Variants in BAZ2B observed in about 807,000 individuals in gnomAD.
BAZ2B encodes bromodomain adjacent to zinc finger domain protein 2B.
A neutral mutation model predicts 246.0 loss-of-function variants in BAZ2B; 91 were observed. The observed-to-expected ratio is 0.37, with a 90% CI of 0.31 to 0.44. The LOEUF is 0.44. Ranked by LOEUF, BAZ2B falls within the 20% of genes least tolerant of loss-of-function variation. BAZ2B has a pLI of 1.00. For synonymous variants in BAZ2B, 855 were observed against 860.0 expected (o/e 0.99, Z 0.10); for missense variants, 2,332 against 2,533.7 (o/e 0.92, Z 1.71).
chr2:159,501,015 A>G (rs1307272758), intron 2 of BAZ2B, among the ~76,000 whole-genome samples: 1 of 144,710 alleles, frequency 6.9e-6, no homozygotes, highest in Admixed American at 7.1e-5. Flanking sequence ...AATGCCTATA[A>G]TCCCAGAACT....
At chr2:159,403,417 G>A (rs2065409550) in intron 16 of BAZ2B, among the ~76,000 whole-genome samples, 1 of 152,052 alleles carries the variant, frequency 6.6e-6, no homozygotes, top group Non-Finnish European at 1.5e-5. Context: ...TAAGACTTTA[G>A]GATCATAAAG....
intron 3 of BAZ2B, chr2:159,461,448 A>T (rs775648617): frequency 1.3e-5 from 2 of 152,664 alleles, no homozygotes; most frequent in African/African-American, 2.4e-5. Context: ...AACAGGTTAC[A>T]ATAGAAAGAT....
At chr2:159,637,470 G>C in the BAZ2B span, among the ~76,000 whole-genome samples, 2 of 152,248 alleles carry the variant, frequency 1.3e-5, no homozygotes, top group African/African-American at 2.4e-5. Flanking sequence ...GCTGCCTGTG[G>C]AAAGGAGAGG....
At chr2:159,595,108 CT>C (rs35331660) in intron 1 of BAZ2B, among the ~76,000 whole-genome samples, 209 of 148,056 alleles carry the variant, frequency 1.4e-3, no homozygotes, top group African/African-American at 3.9e-3. Context: ...TAAACATATA[CT>C]TTTTTTTTTT....
chr2:159,586,730 T>C (rs1221877923), intron 1 of BAZ2B, among the ~76,000 whole-genome samples: 1 of 152,070 alleles, frequency 6.6e-6, no homozygotes, highest in African/African-American at 2.4e-5. Context: ...AAACATTTTT[T>C]AAAAACTAAA....
intron 19 of BAZ2B, chr2:159,396,310 A>G (rs1380917580): frequency 6.6e-6 from 1 of 152,244 alleles, no homozygotes; most frequent in Non-Finnish European, 1.5e-5. Flanking sequence ...AGAGTAGGTT[A>G]TTTTCAGTAC....
At chr2:159,400,190 C>G (rs1262724291) in intron 17 of BAZ2B, among the ~76,000 whole-genome samples, 1 of 152,206 alleles carries the variant, frequency 6.6e-6, no homozygotes, top group Non-Finnish European at 1.5e-5. Flanking sequence ...GAAAAACAAT[C>G]TGATAAAACT....
intron 3 of BAZ2B, among the ~76,000 whole-genome samples, chr2:159,474,556 A>G (rs1244879971): frequency 6.6e-6 from 1 of 152,172 alleles, no homozygotes; most frequent in Non-Finnish European, 1.5e-5. Context: ...GCCCATTTAC[A>G]TTTAAGGTTA....
chr2:159,559,593 C>T (rs2089610125), intron 1 of BAZ2B, among the ~76,000 whole-genome samples: 1 of 152,060 alleles, frequency 6.6e-6, no homozygotes. Flanking sequence ...CACTAAAGCT[C>T]ATAGGATAAA....
At chr2:159,471,088 T>C (rs184690530) in intron 3 of BAZ2B, among the ~76,000 whole-genome samples, 67 of 151,870 alleles carry the variant, frequency 4.4e-4, no homozygotes, top group African/African-American at 1.4e-3. Flanking sequence ...AGTAGTATAA[T>C]GGAAGCTAAA....
intron 1 of BAZ2B, among the ~76,000 whole-genome samples, chr2:159,574,209 T>C (rs1684737527): frequency 6.6e-6 from 1 of 151,754 alleles, no homozygotes; most frequent in Non-Finnish European, 1.5e-5. Context: ...TTTGAATAGA[T>C]ATTTTATCAA....
the BAZ2B span, among the ~76,000 whole-genome samples, chr2:159,630,037 GAGGA>G: frequency 6.6e-6 from 1 of 152,258 alleles, no homozygotes; most frequent in South Asian, 2.1e-4. Context: ...TACCTAAAAG[GAGGA>G]AGGGAGCAGA....
intron 3 of BAZ2B, among the ~76,000 whole-genome samples, chr2:159,475,261 T>A (rs961612857): frequency 6.6e-6 from 1 of 152,184 alleles, no homozygotes; most frequent in East Asian, 1.9e-4. Context: ...CCTTTCATTG[T>A]TTTTTCTCTA....
intron 34 of BAZ2B, among the ~76,000 whole-genome samples, chr2:159,330,469 G>A (rs1420246783): frequency 6.6e-6 from 1 of 152,222 alleles, no homozygotes; most frequent in Non-Finnish European, 1.5e-5. Context: ...AGATGACATA[G>A]GCACTGATCA....
intron 1 of BAZ2B, among the ~76,000 whole-genome samples, chr2:159,587,772 C>T (rs1013077680): frequency 1.2e-4 from 18 of 152,126 alleles, no homozygotes; most frequent in African/African-American, 3.6e-4. Context: ...AGTCTGCGAA[C>T]AGAAAGAAAA....
rs749673472 is a variant in BAZ2B, at chr2:159,382,755, C to T, written c.3809G>A (p.Gly1270Asp). 2 of 1,613,722 alleles carry T rather than the reference C, an allele frequency of 1.2e-6. No homozygotes were observed. Among genetic ancestry groups the T allele is most frequent in the South Asian group, 2.2e-5 (2 of 91,062 alleles). ...CTGCTCTTCTCCCAGATCAATGCCACCTGAAGTGTCTCTTTTGCCTGTTTT... is the reference window on the plus strand; with the variant it reads ...CTGCTCTTCTCCCAGATCAATGCCATCTGAAGTGTCTCTTTTGCCTGTTTT... ...AKKTGKRDTSGGIDLGEEQHP... is the reference protein window; with the variant it reads ...AKKTGKRDTSDGIDLGEEQHP... Residue 1270 changes from glycine to aspartate, a missense_variant, in exon 25 of 37, where the codon GGT becomes GAT. Gly to Asp is a moderately conservative substitution (Grantham distance 94). This residue lies in a region of BAZ2B where 328 missense variants were observed against 410.4 expected (regional missense o/e 0.80). Transcript: ENST00000392783.
rs1482915507 is a variant in BAZ2B, at chr2:159,432,809, TTCA to T, written c.1845_1847del (p.Asp615del). 3.3e-5 allele frequency: 53 copies of T among 1,613,660 alleles called. No homozygotes were observed. The highest frequency in any genetic ancestry group is 3.3e-4 in the Middle Eastern group (2 of 6,084). The stretch of plus-strand genomic sequence containing the variant: ...CTTCATCATCTTCCTCATCTTCTTC[TTCA>T]TCATCTTCCTCTTCATCCTCATTTG... On this transcript the variant is annotated inframe_deletion, in exon 9 of 37. Coordinates refer to ENST00000392783, the MANE Select transcript of BAZ2B (RefSeq NM_013450.4).
In BAZ2B at chr2:159,332,404, T is replaced by C. The variant is rs549287180; in HGVS notation, c.5943+136A>G. ...CAAGAGATTGAGGCCAGAGGATAGC[T>C]TGAGCCCAGGAGTTTTAGGCTGTAG... On this transcript the variant is annotated intron_variant, in intron 34 of 36. Transcript: ENST00000392783. The C allele has an allele frequency of 8.5e-6, 7 of 821,440 alleles. No homozygotes were observed. In the East Asian group the frequency reaches 1.7e-4, roughly 20 times the overall value. The allele number at this position is 821,440 out of a possible 1,614,324, so 50.9% of individuals were successfully genotyped here.
chr2:159,488,336 G>A (rs760426992), intron 2 of BAZ2B, among the ~76,000 whole-genome samples: 4 of 152,132 alleles, frequency 2.6e-5, no homozygotes, highest in Non-Finnish European at 5.9e-5. Context: ...GCCTCCCAAA[G>A]TGCTGGGATT....
Sources: gnomAD v4.1 joint callset for allele counts (sites outside exome capture counted in the v4.1 genomes callset) on GRCh38, gnomAD v4.1.1 for gene constraint, gnomAD v4.1.1 regional missense constraint, MANE v1.5 for transcripts, NCBI Gene and HGNC (gene_info 2026-07-23, HGNC 2026-07-21) for gene names.